COL19A1: variants seen among roughly 807,000 people sequenced by gnomAD.
COL19A1 encodes collagen alpha-1(XIX) chain.
In COL19A1, 159 loss-of-function variants were observed where a neutral mutation model predicts 190.2. The observed-to-expected ratio is 0.84, with a 90% CI of 0.73 to 0.95. The LOEUF (loss-of-function observed/expected upper bound fraction) is 0.95. COL19A1 is among the 40% of genes least tolerant of loss of function. The pLI, the probability that COL19A1 is intolerant of heterozygous loss-of-function variation, is 0.00. For synonymous variants in COL19A1, 509 were observed against 458.9 expected (o/e 1.11, Z -1.39); for missense variants, 1,418 against 1,431.9 (o/e 0.99, Z 0.16).
chr6:70,109,240 G>C (rs932187178), intron 16 of COL19A1, among the ~76,000 whole-genome samples: 1 of 152,110 alleles, frequency 6.6e-6, no homozygotes, highest in Non-Finnish European at 1.5e-5. Flanking sequence ...CCATCTAATT[G>C]AGGTGGTCCA....
At chr6:70,171,419 C>A (rs565411427) in intron 40 of COL19A1, among the ~76,000 whole-genome samples, 3 of 152,196 alleles carry the variant, frequency 2.0e-5, no homozygotes, top group African/African-American at 7.2e-5. Context: ...CTACCCCCTT[C>A]CAGTGACTCA....
At chr6:70,202,762 C>T (rs1767629297) in intron 49 of COL19A1, among the ~76,000 whole-genome samples, 1 of 152,214 alleles carries the variant, frequency 6.6e-6, no homozygotes, top group Non-Finnish European at 1.5e-5. Context: ...CTTCAGCACC[C>T]TGACCTTCTT....
intron 4 of COL19A1, among the ~76,000 whole-genome samples, chr6:69,901,852 T>G (rs934599403): frequency 6.6e-6 from 1 of 152,266 alleles, no homozygotes; most frequent in African/African-American, 2.4e-5. Flanking sequence ...TGAAACCTTT[T>G]AAAATTCATT....
chr6:69,888,990 C>G (rs1386742280), intron 2 of COL19A1, among the ~76,000 whole-genome samples: 2 of 152,094 alleles, frequency 1.3e-5, no homozygotes, highest in Non-Finnish European at 2.9e-5. Flanking sequence ...AACAAGGAAA[C>G]AAAGAGCCTT....
At chr6:69,962,065 G>A (rs1185794347) in intron 10 of COL19A1, among the ~76,000 whole-genome samples, 1 of 152,154 alleles carries the variant, frequency 6.6e-6, no homozygotes, top group East Asian at 1.9e-4. Flanking sequence ...CACATGACCT[G>A]TTCCCAACAT....
chr6:70,124,161 A>G (rs1446010585), intron 17 of COL19A1, among the ~76,000 whole-genome samples: 1 of 152,144 alleles, frequency 6.6e-6, no homozygotes, highest in African/African-American at 2.4e-5. Flanking sequence ...CACAAGTGAA[A>G]AAAAGAATGC....
At chr6:70,206,077 C>G (rs1172774544) in intron 49 of COL19A1, among the ~76,000 whole-genome samples, 11 of 152,214 alleles carry the variant, frequency 7.2e-5, no homozygotes, top group Admixed American at 7.2e-4. Flanking sequence ...TACTCATGCT[C>G]TTGCTATCAT....
intron 4 of COL19A1, among the ~76,000 whole-genome samples, chr6:69,927,608 A>G (rs1582430065): frequency 6.6e-6 from 1 of 152,206 alleles, no homozygotes; most frequent in Non-Finnish European, 1.5e-5. Context: ...TATTTCCTTG[A>G]TAAATCTCTA....
chr6:70,165,497 A>G (rs987983643), intron 36 of COL19A1, among the ~76,000 whole-genome samples: 3 of 152,098 alleles, frequency 2.0e-5, no homozygotes, highest in African/African-American at 7.2e-5. Context: ...ACTTTCGTCA[A>G]ATTATGTGGA....
At chr6:70,194,976 T>C (rs917244116) in intron 48 of COL19A1, among the ~76,000 whole-genome samples, 1 of 151,428 alleles carries the variant, frequency 6.6e-6, no homozygotes, top group Non-Finnish European at 1.5e-5. Flanking sequence ...TATATATATA[T>C]GCATATATAT....
intron 20 of COL19A1, among the ~76,000 whole-genome samples, 178 bp downstream of exon 20, chr6:70,141,167 C>G (rs555933980): frequency 6.6e-6 from 1 of 151,958 alleles, no homozygotes; most frequent in Admixed American, 6.6e-5. Context: ...AAATTTTAAG[C>G]CTTGTTAACT....
At chr6:70,192,505 G>GT (rs1172481616) in intron 48 of COL19A1, among the ~76,000 whole-genome samples, 75 of 140,242 alleles carry the variant, frequency 5.3e-4, no homozygotes, top group South Asian at 4.6e-4. Flanking sequence ...TTCTTTCTTT[G>GT]TTTTTTTTGA....
intron 15 of COL19A1, among the ~76,000 whole-genome samples, chr6:70,077,697 TTTC>T (rs1172668311): frequency 6.6e-6 from 1 of 152,196 alleles, no homozygotes; most frequent in Non-Finnish European, 1.5e-5. Flanking sequence ...GTTGTTTGTA[TTTC>T]TTATGTGAGA....
chr6:70,077,830 A>G (rs754599518), intron 15 of COL19A1, among the ~76,000 whole-genome samples: 23 of 152,226 alleles, frequency 1.5e-4, no homozygotes, highest in Non-Finnish European at 2.9e-4. Context: ...TGTGCATTCA[A>G]TATTTTTATT....
chr6:70,191,872 C>T (rs970189954), intron 48 of COL19A1, among the ~76,000 whole-genome samples: 8 of 152,214 alleles, frequency 5.3e-5, no homozygotes, highest in Non-Finnish European at 7.3e-5. Context: ...GCTTCAAACA[C>T]GGACTCAGGT....
At chr6:70,112,396 C>T (rs1784331147) in intron 16 of COL19A1, among the ~76,000 whole-genome samples, 2 of 152,142 alleles carry the variant, frequency 1.3e-5, no homozygotes, top group Admixed American at 1.3e-4. Context: ...TTGCAGGACA[C>T]TGACAAATAA....
chr6:70,144,982 C>T lies in COL19A1; in HGVS notation c.1745C>T (p.Pro582Leu). The change falls in exon 25 of 51, where the codon CCA (proline) becomes CTA (leucine). Residue 582 changes from proline to leucine, a missense_variant. Coordinates refer to ENST00000620364, the MANE Select transcript of COL19A1 (RefSeq NM_001858.6). ...LPGPKGEAGPPGKSLPGEPGL... is the reference protein window; with the variant it reads ...LPGPKGEAGPLGKSLPGEPGL... ...GGTCCAAAAGGTGAGGCTGGTCCTCCAGGGAAAAGCCTGCCAGGGGAACCA... is the reference window on the plus strand; with the variant it reads ...GGTCCAAAAGGTGAGGCTGGTCCTCTAGGGAAAAGCCTGCCAGGGGAACCA... 6.3e-7 allele frequency: 1 copy of T among 1,592,374 alleles called. No homozygotes were observed. Among genetic ancestry groups the T allele is most frequent in the Non-Finnish European group, 8.6e-7 (1 of 1,167,776 alleles).
At chr6:69,870,895 A>G (rs1045177226) in intron 1 of COL19A1, among the ~76,000 whole-genome samples, 5 of 152,208 alleles carry the variant, frequency 3.3e-5, no homozygotes, top group Admixed American at 2.6e-4. Context: ...TAGATTTGAT[A>G]GACTTTGACA....
chr6:69,870,663 C>T (rs1323323390), intron 1 of COL19A1, among the ~76,000 whole-genome samples: 2 of 152,036 alleles, frequency 1.3e-5, no homozygotes, highest in African/African-American at 4.8e-5. Flanking sequence ...CAATGAAGAG[C>T]CACCAGAAAA....
Sources: allele counts gnomAD v4.1 joint callset (sites outside exome capture counted in the v4.1 genomes callset), GRCh38; gene constraint gnomAD v4.1.1; transcripts MANE v1.5; gene names NCBI Gene and HGNC (gene_info 2026-07-23, HGNC 2026-07-21).